KIAA0586: variants seen among roughly 807,000 people sequenced by gnomAD.
KIAA0586 encodes protein TALPID3.
A neutral mutation model predicts 169.8 loss-of-function variants in KIAA0586; 144 were observed. That is an observed-to-expected ratio of 0.85 (90% CI 0.74 to 0.97). KIAA0586 has a LOEUF of 0.97. Ranked by LOEUF, KIAA0586 falls within the 50% of genes least tolerant of loss-of-function variation. The pLI, the probability that KIAA0586 is intolerant of heterozygous loss-of-function variation, is 0.00. For synonymous variants in KIAA0586, 625 were observed against 612.4 expected (o/e 1.02, Z -0.30); for missense variants, 1,854 against 1,823.0 (o/e 1.02, Z -0.31).
At chr14:58,518,045 G>A (rs1050450758) in intron 29 of KIAA0586, among the ~76,000 whole-genome samples, 2 of 151,968 alleles carry the variant, frequency 1.3e-5, no homozygotes. Flanking sequence ...TCTTGATTGG[G>A]GTAGTGTCTA....
At chr14:58,531,773 G>C (rs984749561) in intron 29 of KIAA0586, among the ~76,000 whole-genome samples, 6 of 152,030 alleles carry the variant, frequency 3.9e-5, no homozygotes, top group Admixed American at 6.6e-5. Flanking sequence ...GCAAAGACTT[G>C]GAACCACCCC....
Position 58,444,112 on chromosome 14 carries a change from T to A in KIAA0586, c.744T>A (p.Asn248Lys), listed in dbSNP as rs2038649420. 1 of 1,613,578 alleles carries A rather than the reference T, an allele frequency of 6.2e-7. No individual in the cohort carries two copies. Among genetic ancestry groups the A allele is most frequent in the Admixed American group, 1.7e-5 (1 of 59,990 alleles). The change falls in exon 6 of 31, where the codon AAT becomes AAA. Residue 248 changes from asparagine (N) to lysine (K), a missense_variant. Transcript: ENST00000652326. ...LHCHDHEKQMNVFMEQHIRHL... is the reference protein window; with the variant it reads ...LHCHDHEKQMKVFMEQHIRHL... ...GTCATGATCACGAAAAGCAAATGAA[T>A]GTGTTTATGGAGCAGCACATAAGGC... is the stretch of plus-strand genomic sequence containing the variant.
chr14:58,561,893 A>C, the KIAA0586 span, among the ~76,000 whole-genome samples: 38 of 152,240 alleles, frequency 2.5e-4, no homozygotes, highest in Non-Finnish European at 1.5e-5. Context: ...TTTCGTACAC[A>C]AGAAATCTTT....
At chr14:58,502,390 A>G (rs1595399579) in intron 27 of KIAA0586, among the ~76,000 whole-genome samples, 1 of 152,038 alleles carries the variant, frequency 6.6e-6, no homozygotes, top group South Asian at 2.1e-4. Context: ...TCCACCCGCC[A>G]CAGCCTCCCA....
intron 26 of KIAA0586, among the ~76,000 whole-genome samples, chr14:58,494,295 G>A (rs961791564): frequency 1.9e-4 from 27 of 139,898 alleles, no homozygotes; most frequent in African/African-American, 5.3e-4. Flanking sequence ...CCCGTTTATT[G>A]TGTTTTTCAT....
At chr14:58,526,794 T>A (rs2045612779) in intron 29 of KIAA0586, among the ~76,000 whole-genome samples, 1 of 152,116 alleles carries the variant, frequency 6.6e-6, no homozygotes, top group Non-Finnish European at 1.5e-5. Flanking sequence ...TTTCTATTCC[T>A]TCAAATTAGC....
chr14:58,528,561 G>A lies in KIAA0586; in HGVS notation c.4430-11510G>A, dbSNP rs531723448. 9.9e-5 allele frequency among the ~76,000 whole-genome samples: 15 copies of A among 152,126 alleles called. No individual in the cohort carries two copies. The East Asian group carries it at 1.2e-3, about 12-fold the overall frequency. ...CAGGATTAACAAACTCACTCAAAAC[G>A]GCACAACTACATGGAAACTGAACAA... On this transcript the variant is annotated intron_variant, in intron 29 of 30. Transcript: ENST00000652326.
intron 29 of KIAA0586, among the ~76,000 whole-genome samples, chr14:58,534,424 T>C (rs1403639339): frequency 2.0e-5 from 3 of 152,350 alleles, no homozygotes; most frequent in Non-Finnish European, 4.4e-5. Flanking sequence ...AGCAAACTTC[T>C]TTCCTACCAA....
intron 20 of KIAA0586, among the ~76,000 whole-genome samples, chr14:58,479,370 G>A (rs111435877): frequency 2.6e-5 from 4 of 152,250 alleles, no homozygotes; most frequent in African/African-American, 7.2e-5. Context: ...AGTTCGAGTC[G>A]TGTCTTCATA....
rs1002503993 is a variant in KIAA0586 at position 58,523,290 on chromosome 14, A to G, written c.4429+10663A>G. 3.3e-5 allele frequency among the ~76,000 whole-genome samples: 5 copies of G among 152,166 alleles called. No individual in the cohort carries two copies. The East Asian group carries it at 9.6e-4, about 29-fold the overall frequency. ...ATTTCCTTTTTGTGGAATTAATTAT[A>G]TACTGTGTATGGAGAGCTTGGGTTT... On this transcript the variant is annotated intron_variant, in intron 29 of 30. Coordinates refer to ENST00000652326, the MANE Select transcript of KIAA0586 (RefSeq NM_001329943.3).
At chr14:58,479,157 T>C (rs1303322688) in intron 20 of KIAA0586, among the ~76,000 whole-genome samples, 3 of 152,232 alleles carry the variant, frequency 2.0e-5, no homozygotes, top group African/African-American at 7.2e-5. Flanking sequence ...TATGTGACTT[T>C]AGTTGCTCCA....
intron 26 of KIAA0586, among the ~76,000 whole-genome samples, chr14:58,493,030 A>G (rs2042929683): frequency 6.6e-6 from 1 of 152,198 alleles, no homozygotes; most frequent in Non-Finnish European, 1.5e-5. Context: ...TTTTTGGACA[A>G]GGGAGTTGCC....
At chr14:58,518,270 C>G (rs1480983532) in intron 29 of KIAA0586, among the ~76,000 whole-genome samples, 3 of 152,058 alleles carry the variant, frequency 2.0e-5, no homozygotes, top group Admixed American at 6.6e-5. Flanking sequence ...ACTCTTACAT[C>G]TTTTTCTTAT....
chr14:58,532,047 TA>T (rs1452441330), intron 29 of KIAA0586, among the ~76,000 whole-genome samples: 4 of 150,576 alleles, frequency 2.7e-5, no homozygotes, highest in Non-Finnish European at 5.9e-5. Context: ...GGGTGGGGGA[TA>T]GGGGAGGGAT....
Position 58,471,282 on chromosome 14 carries a change from G to A in KIAA0586, c.2553+559G>A, listed in dbSNP as rs546503540. ...GTTGTGAAACTCTCATGTGAAGAAAGAATTTCTGTCACTTTGGTGATGAAT... is the reference window on the plus strand; with the variant it reads ...GTTGTGAAACTCTCATGTGAAGAAAAAATTTCTGTCACTTTGGTGATGAAT... On this transcript the variant is annotated intron_variant, in intron 17 of 30. Transcript: ENST00000652326. Among the ~76,000 whole-genome samples the A allele has an allele frequency of 7.9e-5, 12 of 152,270 alleles. 1 individual carries two copies. In the South Asian group the frequency reaches 2.5e-3, roughly 32 times the overall value.
At chr14:58,557,493 G>T in the KIAA0586 span, among the ~76,000 whole-genome samples, 1 of 152,208 alleles carries the variant, frequency 6.6e-6, no homozygotes, top group Non-Finnish European at 1.5e-5. Context: ...GCGCTAGTCA[G>T]CCTGCTGCTG....
At chr14:58,508,028 C>A (rs1057354561) in intron 27 of KIAA0586, among the ~76,000 whole-genome samples, 1 of 152,012 alleles carries the variant, frequency 6.6e-6, no homozygotes, top group Non-Finnish European at 1.5e-5. Context: ...TAGGCATCCA[C>A]CCACCTCAGC....
chr14:58,469,837 A>G (rs1179800142), intron 16 of KIAA0586, among the ~76,000 whole-genome samples: 1 of 152,226 alleles, frequency 6.6e-6, no homozygotes, highest in South Asian at 2.1e-4. Context: ...AATTGAAATA[A>G]CAATAAGATG....
In KIAA0586 at chr14:58,467,744, A is replaced by G. The variant is rs748872490; in HGVS notation, c.2264A>G (p.Gln755Arg). The G allele has an allele frequency of 5.6e-6, 9 of 1,603,920 alleles. No individual in the cohort carries two copies. In the South Asian group the frequency reaches 1.0e-4, roughly 18 times the overall value. Residue 755 changes from glutamine (Q) to arginine (R), a missense_variant, in exon 16 of 31, where the codon CAA becomes CGA. Transcript: ENST00000652326. ...IPMAILLGQT[Q>R]SNSDTMPPAG... is the part of the protein sequence containing the mutation. ...CTCCTAAACTTCTTAGGACAAACCC[A>G]AAGTAATAGTGATACCATGCCACCT...
Sources: gnomAD v4.1 joint callset for allele counts (sites outside exome capture counted in the v4.1 genomes callset) on GRCh38, gnomAD v4.1.1 for gene constraint, MANE v1.5 for transcripts, NCBI Gene and HGNC (gene_info 2026-07-23, HGNC 2026-07-21) for gene names.